The following PNLIPRP3 variants were observed in gnomAD, a reference collection of about 807,000 sequenced individuals.
PNLIPRP3 encodes the protein pancreatic lipase-related protein 3.
Under a neutral mutation model 52.8 loss-of-function variants are expected in PNLIPRP3, and 58 were observed. The observed-to-expected ratio is 1.10, with a 90% CI of 0.89 to 1.37. The LOEUF (loss-of-function observed/expected upper bound fraction) is 1.37. PNLIPRP3 is among the 40% of genes most tolerant of loss of function. The pLI, the probability that PNLIPRP3 is intolerant of heterozygous loss-of-function variation, is 0.00. For synonymous variants in PNLIPRP3, 192 were observed against 185.0 expected (o/e 1.04, Z -0.31); for missense variants, 593 against 561.6 (o/e 1.06, Z -0.57).
At chr10:116,435,795 G>T (rs180739035) in intron 1 of PNLIPRP3, among the ~76,000 whole-genome samples, 1 of 152,274 alleles carries the variant, frequency 6.6e-6, no homozygotes, top group African/African-American at 2.4e-5. Context: ...CTATTAAGTT[G>T]TGTGAGTTCC....
intron 7 of PNLIPRP3, among the ~76,000 whole-genome samples, chr10:116,461,898 A>G (rs1846198267): frequency 6.6e-6 from 1 of 152,172 alleles, no homozygotes; most frequent in Non-Finnish European, 1.5e-5. Flanking sequence ...TGAAAACAGG[A>G]GTCAGCCTGG....
intron 9 of PNLIPRP3, among the ~76,000 whole-genome samples, chr10:116,471,200 T>C (rs1475152984): frequency 6.6e-6 from 1 of 152,206 alleles, no homozygotes; most frequent in Non-Finnish European, 1.5e-5. Flanking sequence ...AAAAGTCACA[T>C]TTGGCCATTT....
At chr10:116,460,296 T>C (rs1402706313) in intron 5 of PNLIPRP3, among the ~76,000 whole-genome samples, 2 of 152,216 alleles carry the variant, frequency 1.3e-5, no homozygotes, top group African/African-American at 2.4e-5. Context: ...TGACAAATAA[T>C]TGTCAAATAC....
chr10:116,476,909 A>G, intron 11 of PNLIPRP3, 90 bp downstream of exon 11: 1 of 1,341,532 alleles, frequency 7.5e-7, no homozygotes, highest in South Asian at 1.5e-5. Flanking sequence ...TGCAAGTAGC[A>G]TAAAAATTTA....
intron 1 of PNLIPRP3, among the ~76,000 whole-genome samples, chr10:116,436,366 T>C (rs1237639278): frequency 2.0e-5 from 3 of 152,160 alleles, no homozygotes; most frequent in African/African-American, 2.4e-5. Flanking sequence ...AAGACTTAAA[T>C]GTAAGACTTG....
At chr10:116,455,429 C>A (rs998689558) in intron 4 of PNLIPRP3, among the ~76,000 whole-genome samples, 4 of 152,152 alleles carry the variant, frequency 2.6e-5, no homozygotes, top group African/African-American at 9.7e-5. Context: ...CAGCATGGAG[C>A]TAGAAGCCAC....
Position 116,476,669 on chromosome 10 carries a change from G to A in PNLIPRP3, c.1190G>A (p.Gly397Asp). 1 of 1,577,878 alleles carries A rather than the reference G, an allele frequency of 6.3e-7. No individual in the cohort carries two copies. Among genetic ancestry groups the A allele is most frequent in the Admixed American group, 2.0e-5 (1 of 51,198 alleles). ...GTTTACAGTGGAAAACTTGAGCCAG[G>A]CATGACTTACACAAAATTAATCGAT... ...FAIVSGKLEP[G>D]MTYTKLIDAD... The change falls in exon 11 of 12, where the codon GGC becomes GAC. Residue 397 changes from glycine (G) to aspartate (D), a missense_variant. Transcript: ENST00000369230.
Position 116,436,829 on chromosome 10 carries a change from C to T in PNLIPRP3, c.168C>T (p.Phe56=). The T allele has an allele frequency of 6.2e-7, 1 of 1,613,538 alleles. No individual in the cohort carries two copies. The highest frequency in any genetic ancestry group is 8.5e-7 in the Non-Finnish European group (1 of 1,179,610). Reference sequence around the variant, plus strand: ...CTCCAGAGAAGATAAACACTCGTTTCCTGCTCTACACTATACACAATCCCA... The same window carrying T: ...CTCCAGAGAAGATAAACACTCGTTTTCTGCTCTACACTATACACAATCCCA... ...PWSPEKINTR[F]LLYTIHNPNA... Residue 56 remains phenylalanine (F), a synonymous_variant, in exon 2 of 12, where the codon TTC becomes TTT. Coordinates refer to ENST00000369230, the MANE Select transcript of PNLIPRP3 (RefSeq NM_001011709.3).
intron 4 of PNLIPRP3, among the ~76,000 whole-genome samples, chr10:116,450,844 T>C (rs1052984595): frequency 6.6e-6 from 1 of 152,146 alleles, no homozygotes; most frequent in Non-Finnish European, 1.5e-5. Flanking sequence ...AGAGTCAATA[T>C]TATCAAAATG....
intron 4 of PNLIPRP3, among the ~76,000 whole-genome samples, chr10:116,449,483 A>T (rs1254583569): frequency 2.0e-5 from 3 of 152,246 alleles, no homozygotes; most frequent in Admixed American, 1.3e-4. Context: ...AGAAAGTATC[A>T]CAAGTGACAA....
chr10:116,448,489 A>T (rs532326682), intron 4 of PNLIPRP3, among the ~76,000 whole-genome samples: 33 of 114,700 alleles, frequency 2.9e-4, no homozygotes, highest in African/African-American at 9.7e-4. Flanking sequence ...ACAAAGGAAG[A>T]CAACAAGAGA....
chr10:116,458,203 T>A (rs1258381024), intron 5 of PNLIPRP3, among the ~76,000 whole-genome samples: 1 of 152,180 alleles, frequency 6.6e-6, no homozygotes, highest in Non-Finnish European at 1.5e-5. Context: ...TATCAACGCT[T>A]TTCTTATTTG....
At chr10:116,473,238 T>C (rs1846402791) in intron 10 of PNLIPRP3, among the ~76,000 whole-genome samples, 1 of 152,242 alleles carries the variant, frequency 6.6e-6, no homozygotes, top group Non-Finnish European at 1.5e-5. Flanking sequence ...TGAAGTCAGC[T>C]AGCTAAATTT....
intron 4 of PNLIPRP3, among the ~76,000 whole-genome samples, chr10:116,454,623 C>T (rs1418438775): frequency 3.3e-5 from 5 of 152,210 alleles, no homozygotes; most frequent in Non-Finnish European, 7.3e-5. Flanking sequence ...CCTCTACTTA[C>T]GTAGTTTGAC....
chr10:116,460,637 C>T (rs1462441685), intron 5 of PNLIPRP3, among the ~76,000 whole-genome samples: 1 of 152,134 alleles, frequency 6.6e-6, no homozygotes, highest in African/African-American at 2.4e-5. Context: ...TAATTTTTTG[C>T]CTACAAATGT....
At chr10:116,460,058 G>A (rs923944234) in intron 5 of PNLIPRP3, among the ~76,000 whole-genome samples, 16 of 152,116 alleles carry the variant, frequency 1.1e-4, no homozygotes, top group Admixed American at 2.0e-4. Context: ...GAGCCACCGC[G>A]CCCAGCCATG....
At chr10:116,457,609 T>C (rs1189935116) in intron 5 of PNLIPRP3, among the ~76,000 whole-genome samples, 1 of 152,058 alleles carries the variant, frequency 6.6e-6, no homozygotes, top group East Asian at 1.9e-4. Flanking sequence ...AAACTGAACT[T>C]TTTCACTGAA....
chr10:116,470,110 C>A (rs1363277619), intron 9 of PNLIPRP3, among the ~76,000 whole-genome samples: 1 of 152,132 alleles, frequency 6.6e-6, no homozygotes, highest in Non-Finnish European at 1.5e-5. Context: ...AGCTGTCATT[C>A]TCTGAGCTTG....
intron 5 of PNLIPRP3, among the ~76,000 whole-genome samples, chr10:116,457,908 C>T (rs900066684): frequency 2.6e-5 from 4 of 152,020 alleles, no homozygotes; most frequent in African/African-American, 9.7e-5. Flanking sequence ...TCTGAATGTC[C>T]AAAGAATTAA....
Sources: allele counts gnomAD v4.1 joint callset (sites outside exome capture counted in the v4.1 genomes callset), GRCh38; gene constraint gnomAD v4.1.1; transcripts MANE v1.5; gene names NCBI Gene and HGNC (gene_info 2026-07-23, HGNC 2026-07-21).